The following ARHGAP24 variants were observed in gnomAD, a reference collection of about 807,000 sequenced individuals.
ARHGAP24 encodes Rho GTPase activating protein 24, also known as rho GTPase-activating protein 24.
In ARHGAP24, 50 loss-of-function variants were observed where a neutral mutation model predicts 76.4. That is an observed-to-expected ratio of 0.65 (90% confidence interval 0.52 to 0.83). The LOEUF is 0.83. Among genes scored for constraint, ARHGAP24 ranks in the 40% least tolerant of loss-of-function variants. The pLI is 0.00. For synonymous variants in ARHGAP24, 345 were observed against 323.3 expected (o/e 1.07, Z -0.72); for missense variants, 930 against 914.2 (o/e 1.02, Z -0.22).
At chr4:85,947,683 A>G (rs994303451) in intron 5 of ARHGAP24, among the ~76,000 whole-genome samples, 1 of 152,228 alleles carries the variant, frequency 6.6e-6, no homozygotes, top group African/African-American at 2.4e-5. Flanking sequence ...GCATTCATGC[A>G]GGCAATTTCA....
chr4:85,684,106 A>T (rs1054493053), intron 2 of ARHGAP24, among the ~76,000 whole-genome samples: 9 of 152,200 alleles, frequency 5.9e-5, no homozygotes, highest in Admixed American at 2.0e-4. Flanking sequence ...ATTATTTGAG[A>T]TAAGTACCCA....
chr4:85,707,528 T>C (rs896944832), intron 2 of ARHGAP24, among the ~76,000 whole-genome samples: 1 of 152,236 alleles, frequency 6.6e-6, no homozygotes, highest in Non-Finnish European at 1.5e-5. Context: ...GATTTTAAAT[T>C]CAGACTTTAG....
intron 2 of ARHGAP24, among the ~76,000 whole-genome samples, chr4:85,605,263 A>G (rs953418020): frequency 2.0e-5 from 3 of 152,196 alleles, no homozygotes; most frequent in Admixed American, 6.5e-5. Context: ...TGTATTTTTA[A>G]TCATAATATA....
At chr4:85,572,745 A>G (rs17010472) in intron 2 of ARHGAP24, among the ~76,000 whole-genome samples, 1,106 of 6,066 alleles carry the variant, frequency 0.18, 9 homozygotes, top group Non-Finnish European at 0.45. Flanking sequence ...TTCTTTTACA[A>G]ACCAAACAGA....
chr4:85,611,777 C>T (rs1165980173), intron 2 of ARHGAP24, among the ~76,000 whole-genome samples: 1 of 152,148 alleles, frequency 6.6e-6, no homozygotes, highest in Non-Finnish European at 1.5e-5. Flanking sequence ...ATATGTACTG[C>T]TTGCTTGTTG....
chr4:85,544,718 A>G (rs994397284), intron 1 of ARHGAP24, among the ~76,000 whole-genome samples: 18 of 152,108 alleles, frequency 1.2e-4, no homozygotes, highest in African/African-American at 3.6e-4. Flanking sequence ...ATACACATAC[A>G]TATATGTAAA....
intron 2 of ARHGAP24, among the ~76,000 whole-genome samples, chr4:85,714,156 C>T (rs1724641139): frequency 6.6e-6 from 1 of 152,108 alleles, no homozygotes; most frequent in Non-Finnish European, 1.5e-5. Context: ...AAGAAGAATG[C>T]TCATGCAGGA....
chr4:85,863,469 T>C (rs1003110680), intron 3 of ARHGAP24, among the ~76,000 whole-genome samples: 103 of 152,058 alleles, frequency 6.8e-4, no homozygotes, highest in Admixed American at 1.6e-3. Flanking sequence ...CTCAGTGAAG[T>C]CAAAGGCAAG....
intron 1 of ARHGAP24, among the ~76,000 whole-genome samples, chr4:85,487,486 A>G (rs1320194621): frequency 6.5e-5 from 7 of 107,652 alleles, no homozygotes. Context: ...CATATTATAT[A>G]AACATATATT....
chr4:85,480,222 G>A (rs545793489), intron 1 of ARHGAP24, among the ~76,000 whole-genome samples: 81 of 152,190 alleles, frequency 5.3e-4, no homozygotes, highest in African/African-American at 1.7e-3. Flanking sequence ...CTTATGTTAT[G>A]CGTTTCAAAT....
chr4:85,941,987 A>T, intron 4 of ARHGAP24, 79 bp from the exon 5 acceptor site: 1 of 1,402,966 alleles, frequency 7.1e-7, no homozygotes, highest in Non-Finnish European at 9.9e-7. Flanking sequence ...TTTTTCTGTT[A>T]TATTGAATTA....
Position 85,663,207 on chromosome 4 carries a change from G to T in ARHGAP24, c.181-58678G>T, listed in dbSNP as rs551574377. ...CTTTTATTTCATTGAGCAGTGGTTT[G>T]TAGTTCTCCTTGAAGAGGTCCTTCA... On this transcript the variant is annotated intron_variant, in intron 2 of 9. Transcript: ENST00000395184. 2.0e-5 allele frequency among the ~76,000 whole-genome samples: 3 copies of T among 150,224 alleles called. No homozygotes were observed. In the East Asian group the frequency reaches 5.8e-4, roughly 29 times the overall value.
At chr4:85,920,823 T>C (rs1038481106) in intron 3 of ARHGAP24, among the ~76,000 whole-genome samples, 6 of 152,108 alleles carry the variant, frequency 3.9e-5, no homozygotes, top group African/African-American at 1.4e-4. Context: ...CACAATAAGA[T>C]ACCATCTCAC....
intron 2 of ARHGAP24, among the ~76,000 whole-genome samples, chr4:85,610,610 C>G (rs1459587572): frequency 1.3e-5 from 2 of 152,010 alleles, no homozygotes; most frequent in Non-Finnish European, 2.9e-5. Context: ...CAGAAATTAT[C>G]TCAAGGTGGT....
At chr4:85,895,524 TC>T (rs1370005523) in intron 3 of ARHGAP24, among the ~76,000 whole-genome samples, 7 of 152,180 alleles carry the variant, frequency 4.6e-5, no homozygotes, top group African/African-American at 1.7e-4. Context: ...GTGCTTGTTT[TC>T]CTGAGGAAAA....
chr4:85,865,261 T>C (rs1242897966), intron 3 of ARHGAP24, among the ~76,000 whole-genome samples: 1 of 151,936 alleles, frequency 6.6e-6, no homozygotes, highest in Non-Finnish European at 1.5e-5. Flanking sequence ...AGGTTAATGA[T>C]TATTGTGGCC....
intron 2 of ARHGAP24, among the ~76,000 whole-genome samples, chr4:85,648,680 A>G (rs1266367638): frequency 1.3e-5 from 2 of 152,116 alleles, no homozygotes; most frequent in Non-Finnish European, 2.9e-5. Flanking sequence ...TTTAATAGGA[A>G]GATTTCAGTC....
At chr4:85,629,944 T>A (rs1009097047) in intron 2 of ARHGAP24, among the ~76,000 whole-genome samples, 1 of 152,114 alleles carries the variant, frequency 6.6e-6, no homozygotes, top group Non-Finnish European at 1.5e-5. Flanking sequence ...CTTTTCTTTC[T>A]CTGCTTCTTC....
chr4:85,475,768 CCTGT>C lies in ARHGAP24; in HGVS notation c.-21+214_-21+217del, dbSNP rs150414765. On this transcript the variant is annotated intron_variant, in intron 1 of 9. Coordinates refer to ENST00000395184, the MANE Select transcript of ARHGAP24 (RefSeq NM_001025616.3). ...TCGCAGGAATCCCGTGCTGATGTAG[CCTGT>C]CTGTGTTTGTGTGTGTGTGTGCGCG... Among the ~76,000 whole-genome samples the C allele has an allele frequency of 3.4e-3, 502 of 149,180 alleles. 9 individuals are homozygous for C. The highest frequency in any genetic ancestry group is 0.012 in the African/African-American group (483 of 39,436).
Sources: gnomAD v4.1 joint callset for allele counts (sites outside exome capture counted in the v4.1 genomes callset) on GRCh38, gnomAD v4.1.1 for gene constraint, MANE v1.5 for transcripts, NCBI Gene and HGNC (gene_info 2026-07-23, HGNC 2026-07-21) for gene names.